TFCP2L1: variants seen among roughly 807,000 people sequenced by gnomAD.
TFCP2L1 encodes the protein transcription factor CP2 like 1, also known as transcription factor CP2-like protein 1.
A neutral mutation model predicts 72.2 loss-of-function variants in TFCP2L1; 12 were observed. The ratio of observed to expected loss-of-function variants is 0.17; its 90% CI spans 0.11 to 0.27. The LOEUF (loss-of-function observed/expected upper bound fraction) is 0.27, where lower values mean the gene tolerates loss of function less well. Among genes scored for constraint, TFCP2L1 ranks in the 10% least tolerant of loss-of-function variants. TFCP2L1 has a pLI of 1.00. For missense variants in TFCP2L1, 488 were observed against 624.6 expected (o/e 0.78, Z 2.33); for synonymous variants, 260 against 251.0 (o/e 1.04, Z -0.34).
At chr2:121,239,308 G>A (rs923523247) in intron 8 of TFCP2L1, among the ~76,000 whole-genome samples, 22 of 152,220 alleles carry the variant, frequency 1.4e-4, no homozygotes, top group African/African-American at 3.6e-4. Flanking sequence ...GTGGCTGACC[G>A]CATGCACCCT....
intron 2 of TFCP2L1, among the ~76,000 whole-genome samples, chr2:121,253,120 T>C (rs535590859): frequency 2.0e-5 from 3 of 152,196 alleles, no homozygotes; most frequent in African/African-American, 7.2e-5. Context: ...TCACCACAGC[T>C]CCCCACCGGC....
chr2:121,247,286 C>G (rs1285757350), intron 5 of TFCP2L1, among the ~76,000 whole-genome samples: 1 of 152,170 alleles, frequency 6.6e-6, no homozygotes, highest in Non-Finnish European at 1.5e-5. Flanking sequence ...AGATTCCTCT[C>G]CCTTGGCAAA....
intron 13 of TFCP2L1, 104 bp downstream of exon 13, chr2:121,231,722 T>C: frequency 6.7e-7 from 1 of 1,500,114 alleles, no homozygotes; most frequent in South Asian, 1.3e-5. Flanking sequence ...CAGATGAACC[T>C]GTCTGTCACT....
chr2:121,281,017 G>A lies in TFCP2L1; in HGVS notation c.214+103C>T, dbSNP rs868637743. 119 of 1,506,230 alleles carry A rather than the reference G, an allele frequency of 7.9e-5. 1 individual carries two copies. The highest frequency in any genetic ancestry group is 6.6e-4 in the South Asian group (56 of 84,270). 93.3% of individuals were successfully genotyped at this position (1,506,230 alleles called of 1,614,324 possible). On this transcript the variant is annotated intron_variant, in intron 2 of 14. Transcript: ENST00000263707. ...CTCTTTCCCGAGCCCGACCTCGCCC[G>A]ACCTCACCCACCGTAACAAAGTCAC...
intron 2 of TFCP2L1, among the ~76,000 whole-genome samples, chr2:121,251,739 C>T (rs1026035545): frequency 1.3e-5 from 2 of 152,128 alleles, no homozygotes; most frequent in African/African-American, 4.8e-5. Context: ...CTAGATTCAA[C>T]CAATGTACAA....
intron 7 of TFCP2L1, chr2:121,240,701 G>T (rs1462899977): frequency 1.0e-6 from 1 of 985,244 alleles, no homozygotes; most frequent in Non-Finnish European, 1.2e-6. Flanking sequence ...GTTAGGGAGA[G>T]AATGGTATCA....
At chr2:121,256,711 G>GGTTGCAGTGAGGCAAGATGGCATC in intron 2 of TFCP2L1, among the ~76,000 whole-genome samples, 1 of 152,082 alleles carries the variant, frequency 6.6e-6, no homozygotes, top group South Asian at 2.1e-4. Context: ...AGGAGGCGGA[G>GGTTGCAGTGAGGCAAGATGGCATC]GTTGCAGTGA....
chr2:121,264,455 C>G (rs1043214259), intron 2 of TFCP2L1, among the ~76,000 whole-genome samples: 2 of 152,210 alleles, frequency 1.3e-5, no homozygotes, highest in African/African-American at 2.4e-5. Flanking sequence ...TCTTGGGCCA[C>G]GGGCCACCTT....
chr2:121,232,853 C>T (rs1038730463), intron 12 of TFCP2L1, among the ~76,000 whole-genome samples: 1 of 152,150 alleles, frequency 6.6e-6, no homozygotes, highest in African/African-American at 2.4e-5. Context: ...ACGGCCTGCA[C>T]CAGCCAGGCA....
At chr2:121,235,967 G>A (rs1686240934) in intron 10 of TFCP2L1, among the ~76,000 whole-genome samples, 1 of 152,114 alleles carries the variant, frequency 6.6e-6, no homozygotes, top group African/African-American at 2.4e-5. Flanking sequence ...CTACAGTGCA[G>A]ACACGTTTTG....
Position 121,235,345 on chromosome 2 carries a change from T to G in TFCP2L1, c.1004-34A>C, listed in dbSNP as rs2250092. 2.5e-6 allele frequency: 4 copies of G among 1,606,004 alleles called. No homozygotes were observed. The African/African-American group carries it at 4.0e-5, about 16-fold the overall frequency. On this transcript the variant is annotated intron_variant, in intron 10 of 14. Coordinates refer to ENST00000263707, the MANE Select transcript of TFCP2L1 (RefSeq NM_014553.3). ...GAAAAAAACGGGGATGCCTGTTACA[T>G]GGAACCCAGAGAAAGGGCTCGGTCC...
chr2:121,227,720 TACACACAC>T lies in TFCP2L1; in HGVS notation c.1342-2115_1342-2108del, dbSNP rs144192362. Among the ~76,000 whole-genome samples, 461 of 147,414 alleles carry T rather than the reference TACACACAC, an allele frequency of 3.1e-3. 2 individuals carry two copies. Among genetic ancestry groups the T allele is most frequent in the Non-Finnish European group, 4.1e-3 (275 of 66,806 alleles). On this transcript the variant is annotated intron_variant, in intron 13 of 14. Coordinates refer to ENST00000263707, the MANE Select transcript of TFCP2L1 (RefSeq NM_014553.3). ...TAAAATAAAATATATAAACATACAA[TACACACAC>T]ACACACACACACACACACACACACT...
intron 2 of TFCP2L1, among the ~76,000 whole-genome samples, chr2:121,263,374 T>C (rs1686862006): frequency 6.7e-6 from 1 of 149,362 alleles, no homozygotes; most frequent in Non-Finnish European, 1.5e-5. Flanking sequence ...AAATGGCAAG[T>C]GCATATGGTT....
At chr2:121,248,762 T>A (rs1363717573) in intron 4 of TFCP2L1, among the ~76,000 whole-genome samples, 2 of 152,158 alleles carry the variant, frequency 1.3e-5, no homozygotes, top group African/African-American at 4.8e-5. Context: ...TGTGAGCAGG[T>A]CTCTCAATTC....
At chr2:121,228,027 T>C (rs1470373813) in intron 13 of TFCP2L1, among the ~76,000 whole-genome samples, 1 of 152,256 alleles carries the variant, frequency 6.6e-6, no homozygotes, top group Non-Finnish European at 1.5e-5. Context: ...GAAGTGCCCT[T>C]GCACCCCAGG....
chr2:121,258,962 G>A (rs113775922), intron 2 of TFCP2L1, among the ~76,000 whole-genome samples: 7 of 152,320 alleles, frequency 4.6e-5, no homozygotes, highest in Admixed American at 1.3e-4. Context: ...AGATCATGTT[G>A]TCTGCTCGGG....
intron 12 of TFCP2L1, among the ~76,000 whole-genome samples, chr2:121,232,295 C>A (rs927447125): frequency 3.4e-4 from 51 of 152,190 alleles, no homozygotes; most frequent in African/African-American, 1.2e-3. Flanking sequence ...TGCACCACCA[C>A]ACCTGGCTAA....
Position 121,237,863 on chromosome 2 carries a change from G to T in TFCP2L1, c.861-13C>A. ...CGGAGAGGCGTTGCTGCAAGGAAAAGGAACCAGTGATGAGGACAGAGGGGG... is the reference window on the plus strand; with the variant it reads ...CGGAGAGGCGTTGCTGCAAGGAAAATGAACCAGTGATGAGGACAGAGGGGG... On this transcript the variant is annotated splice_polypyrimidine_tract_variant and intron_variant, in intron 8 of 14. Coordinates refer to ENST00000263707, the MANE Select transcript of TFCP2L1 (RefSeq NM_014553.3). 3.7e-6 allele frequency: 6 copies of T among 1,613,914 alleles called. No homozygotes were observed. The highest frequency in any genetic ancestry group is 5.1e-6 in the Non-Finnish European group (6 of 1,179,870).
At chr2:121,254,820 A>G (rs1225490903) in intron 2 of TFCP2L1, among the ~76,000 whole-genome samples, 3 of 151,660 alleles carry the variant, frequency 2.0e-5, no homozygotes, top group Non-Finnish European at 4.4e-5. Flanking sequence ...AAAAAAAGGA[A>G]GAAATCCCCC....
Sources: gnomAD v4.1 joint callset for allele counts (sites outside exome capture counted in the v4.1 genomes callset) on GRCh38, gnomAD v4.1.1 for gene constraint, MANE v1.5 for transcripts, NCBI Gene and HGNC (gene_info 2026-07-23, HGNC 2026-07-21) for gene names.